The following ADAMTS3 variants were observed in gnomAD, a reference collection of about 807,000 sequenced individuals.
The protein encoded by ADAMTS3 is A disintegrin and metalloproteinase with thrombospondin motifs 3.
In ADAMTS3, 73 loss-of-function variants were observed where a neutral mutation model predicts 129.0. The ratio of observed to expected loss-of-function variants is 0.57; its 90% CI spans 0.47 to 0.69. The LOEUF is 0.69. Among genes scored for constraint, ADAMTS3 ranks in the 30% least tolerant of loss-of-function variants. The probability of loss-of-function intolerance (pLI) is 0.00; values close to 1 mark genes in which losing one functional copy is unlikely to be tolerated. For missense variants in ADAMTS3, 1,457 were observed against 1,514.5 expected, an observed-to-expected ratio of 0.96 and a Z score of 0.63; for synonymous variants, 477 against 510.8, an observed-to-expected ratio of 0.93 and a Z score of 0.89.
At chr4:72,379,739 T>C (rs1721232084) in intron 4 of ADAMTS3, among the ~76,000 whole-genome samples, 1 of 152,162 alleles carries the variant, frequency 6.6e-6, no homozygotes, top group Non-Finnish European at 1.5e-5. Context: ...TCTCCATGCT[T>C]AGAAATGATG....
intron 6 of ADAMTS3, among the ~76,000 whole-genome samples, chr4:72,321,627 A>C (rs956638067): frequency 2.0e-5 from 3 of 152,160 alleles, no homozygotes; most frequent in Non-Finnish European, 4.4e-5. Flanking sequence ...AAGGTATAAA[A>C]TCTTAGTTAA....
At chr4:72,288,020 CATGCCCAGCTA>C (rs1718556227) in intron 21 of ADAMTS3, among the ~76,000 whole-genome samples, 1 of 152,158 alleles carries the variant, frequency 6.6e-6, no homozygotes, top group Non-Finnish European at 1.5e-5. Context: ...CATGCGCCAC[CATGCCCAGCTA>C]ATTTTTGTAT....
At chr4:72,544,934 G>C (rs1721427876) in intron 3 of ADAMTS3, among the ~76,000 whole-genome samples, 1 of 151,922 alleles carries the variant, frequency 6.6e-6, no homozygotes, top group Admixed American at 6.6e-5. Flanking sequence ...TATCAAAGAA[G>C]AGATACTTGG....
At chr4:72,427,703 G>A (rs1722605787) in intron 3 of ADAMTS3, among the ~76,000 whole-genome samples, 1 of 152,098 alleles carries the variant, frequency 6.6e-6, no homozygotes, top group African/African-American at 2.4e-5. Context: ...TCCAAATTCA[G>A]AGGGTTGGCA....
chr4:72,462,387 TGG>T (rs1718794818), intron 3 of ADAMTS3, among the ~76,000 whole-genome samples: 1 of 152,044 alleles, frequency 6.6e-6, no homozygotes, highest in Admixed American at 6.6e-5. Flanking sequence ...TCATAGCCCT[TGG>T]CTGTTGAAAC....
chr4:72,384,010 A>C (rs947758470), intron 4 of ADAMTS3, among the ~76,000 whole-genome samples: 1 of 150,888 alleles, frequency 6.6e-6, no homozygotes, highest in Non-Finnish European at 1.5e-5. Context: ...CTAATAATAC[A>C]ATAAATATAT....
intron 20 of ADAMTS3, among the ~76,000 whole-genome samples, chr4:72,290,370 G>T (rs1341128708): frequency 1.3e-5 from 2 of 152,204 alleles, no homozygotes; most frequent in Non-Finnish European, 2.9e-5. Flanking sequence ...CGGAGATGAG[G>T]TTTGGTGGAG....
intron 3 of ADAMTS3, among the ~76,000 whole-genome samples, chr4:72,520,685 C>T (rs898296912): frequency 6.6e-6 from 1 of 152,194 alleles, no homozygotes; most frequent in African/African-American, 2.4e-5. Flanking sequence ...GTTTCCTAAG[C>T]CTGTCAGAAA....
chr4:72,344,304 G>A (rs1720216481), intron 4 of ADAMTS3, among the ~76,000 whole-genome samples: 1 of 152,076 alleles, frequency 6.6e-6, no homozygotes, highest in East Asian at 1.9e-4. Context: ...TCAAAGTATA[G>A]GATTAGTGAA....
In ADAMTS3 at chr4:72,310,915, A is replaced by G. The variant is rs1719215227; in HGVS notation, c.2055+133T>C. The G allele has an allele frequency of 6.5e-6, 5 of 765,444 alleles. No individual in the cohort carries two copies. The East Asian group carries it at 1.6e-4, about 25-fold the overall frequency. 47.4% of individuals were successfully genotyped at this position (765,444 alleles called of 1,614,324 possible). ...AATGTCTCTCAAATTTATTTTAGCT[A>G]TTGAACTATTCATAGACACTTACTA... On this transcript the variant is annotated intron_variant, in intron 14 of 21. Coordinates refer to ENST00000286657, the MANE Select transcript of ADAMTS3 (RefSeq NM_014243.3).
chr4:72,348,429 A>G (rs1720341968), intron 4 of ADAMTS3, among the ~76,000 whole-genome samples: 1 of 152,108 alleles, frequency 6.6e-6, no homozygotes, highest in Non-Finnish European at 1.5e-5. Flanking sequence ...TTTATATTAC[A>G]GATTTTTCAG....
At chr4:72,442,912 GA>G in intron 3 of ADAMTS3, among the ~76,000 whole-genome samples, 1 of 151,752 alleles carries the variant, frequency 6.6e-6, no homozygotes, top group East Asian at 2.0e-4. Flanking sequence ...ACTCACCCCC[GA>G]AAATTCTTTA....
chr4:72,406,633 C>A (rs942487287), intron 4 of ADAMTS3, among the ~76,000 whole-genome samples: 2 of 152,098 alleles, frequency 1.3e-5, no homozygotes, highest in African/African-American at 4.8e-5. Context: ...GAAATGGGAA[C>A]GAATGATGCT....
chr4:72,282,570 C>G lies in ADAMTS3; in HGVS notation c.*566G>C, dbSNP rs1409071477. ...AAACAAGGCAATACTCAACGACAGGCACCTAGAACATCCAGAAATGTAATA... is the reference window on the plus strand; with the variant it reads ...AAACAAGGCAATACTCAACGACAGGGACCTAGAACATCCAGAAATGTAATA... On this transcript the variant is annotated 3_prime_UTR_variant, in exon 22 of 22. Coordinates refer to ENST00000286657, the MANE Select transcript of ADAMTS3 (RefSeq NM_014243.3). 1.3e-5 allele frequency: 2 copies of G among 152,578 alleles called. No individual in the cohort carries two copies. The highest frequency in any genetic ancestry group is 4.8e-5 in the African/African-American group (2 of 41,432). The allele number at this position is 152,578 out of a possible 1,614,324, so 9.5% of individuals were successfully genotyped here.
intron 4 of ADAMTS3, among the ~76,000 whole-genome samples, chr4:72,369,158 A>G (rs1720942503): frequency 6.6e-6 from 1 of 152,220 alleles, no homozygotes; most frequent in African/African-American, 2.4e-5. Flanking sequence ...TGGTGTCTTT[A>G]CTTCGTATAT....
intron 3 of ADAMTS3, among the ~76,000 whole-genome samples, chr4:72,544,851 G>A (rs182750658): frequency 2.6e-5 from 4 of 151,918 alleles, no homozygotes; most frequent in Non-Finnish European, 5.9e-5. Flanking sequence ...GTTTGTCCAG[G>A]TCTATCCAAA....
At chr4:72,435,303 C>T (rs1015686995) in intron 3 of ADAMTS3, among the ~76,000 whole-genome samples, 1 of 151,564 alleles carries the variant, frequency 6.6e-6, no homozygotes, top group African/African-American at 2.4e-5. Context: ...CACAAAAGCT[C>T]CCAAAATATT....
chr4:72,524,297 C>T (rs1422866376), intron 3 of ADAMTS3, among the ~76,000 whole-genome samples: 1 of 151,994 alleles, frequency 6.6e-6, no homozygotes, highest in East Asian at 1.9e-4. Flanking sequence ...ACTTGATACT[C>T]GGAATTGTCA....
chr4:72,422,458 A>T (rs1217248318), intron 3 of ADAMTS3, among the ~76,000 whole-genome samples: 1 of 152,130 alleles, frequency 6.6e-6, no homozygotes, highest in Non-Finnish European at 1.5e-5. Context: ...TATTTTTAGT[A>T]TAGCATTAAG....
Sources: allele counts gnomAD v4.1 joint callset (sites outside exome capture counted in the v4.1 genomes callset), GRCh38; gene constraint gnomAD v4.1.1; transcripts MANE v1.5; gene names NCBI Gene and HGNC (gene_info 2026-07-23, HGNC 2026-07-21).